The following C1orf21 variants were observed in gnomAD, a reference collection of about 807,000 sequenced individuals.
C1orf21 encodes chromosome 1 open reading frame 21.
A neutral mutation model predicts 18.7 loss-of-function variants in C1orf21; 3 were observed. The observed-to-expected ratio is 0.16, with a 90% CI of 0.07 to 0.42. The LOEUF is 0.42. Among genes scored for constraint, C1orf21 ranks in the 10% least tolerant of loss-of-function variants. The pLI is 0.99. For synonymous variants in C1orf21, 41 were observed against 46.4 expected, an observed-to-expected ratio of 0.88 and a Z score of 0.47; for missense variants, 104 against 143.6, an observed-to-expected ratio of 0.72 and a Z score of 1.41.
intron 2 of C1orf21, among the ~76,000 whole-genome samples, chr1:184,497,267 G>A (rs932198892): frequency 1.3e-5 from 2 of 152,172 alleles, no homozygotes; most frequent in Non-Finnish European, 2.9e-5. Flanking sequence ...TGGAGCATGC[G>A]TTTTCCCCAC....
intron 1 of C1orf21, among the ~76,000 whole-genome samples, chr1:184,409,539 C>T (rs145459119): frequency 1.2e-3 from 190 of 152,204 alleles, no homozygotes; most frequent in Middle Eastern, 6.8e-3. Context: ...GTGATCTTGA[C>T]CAAAATAATA....
intron 1 of C1orf21, among the ~76,000 whole-genome samples, chr1:184,447,419 TC>T (rs1657051135): frequency 6.6e-6 from 1 of 152,336 alleles, no homozygotes; most frequent in East Asian, 1.9e-4. Context: ...CATGGCTTTT[TC>T]TTCTCTCTGC....
chr1:184,479,381 AC>A (rs2101991308), intron 2 of C1orf21, among the ~76,000 whole-genome samples: 1 of 152,328 alleles, frequency 6.6e-6, no homozygotes, highest in East Asian at 1.9e-4. Flanking sequence ...TGGAGCCGTC[AC>A]CATGTGTCAA....
chr1:184,573,065 G>A (rs1314856938), intron 3 of C1orf21, among the ~76,000 whole-genome samples: 2 of 151,820 alleles, frequency 1.3e-5, no homozygotes, highest in Non-Finnish European at 2.9e-5. Context: ...GAGATCTTCT[G>A]TCAGAATCAA....
chr1:184,433,966 G>C (rs1656815148), intron 1 of C1orf21, among the ~76,000 whole-genome samples: 4 of 151,922 alleles, frequency 2.6e-5, no homozygotes, highest in African/African-American at 9.7e-5. Flanking sequence ...CTTTCTCTAA[G>C]AGCCCATCCC....
intron 1 of C1orf21, among the ~76,000 whole-genome samples, chr1:184,469,640 GC>G (rs1233276899): frequency 6.6e-6 from 1 of 152,192 alleles, no homozygotes; most frequent in Admixed American, 6.5e-5. Context: ...AGGATCAGCA[GC>G]TCAGACTGAT....
At chr1:184,414,295 A>G (rs1193950159) in intron 1 of C1orf21, among the ~76,000 whole-genome samples, 4 of 151,928 alleles carry the variant, frequency 2.6e-5, no homozygotes, top group Non-Finnish European at 5.9e-5. Context: ...TGCCTGGCTA[A>G]TTTTTTAATT....
chr1:184,565,113 C>G (rs1049137029), intron 3 of C1orf21, among the ~76,000 whole-genome samples: 4 of 152,082 alleles, frequency 2.6e-5, no homozygotes, highest in Non-Finnish European at 5.9e-5. Flanking sequence ...GATGTTAGAA[C>G]AAAAAAGTAT....
At chr1:184,543,877 AT>A (rs1031016852) in intron 3 of C1orf21, among the ~76,000 whole-genome samples, 3 of 151,988 alleles carry the variant, frequency 2.0e-5, no homozygotes, top group Admixed American at 2.0e-4. Context: ...ATAAAAGATC[AT>A]TTTTTTTCAG....
intron 3 of C1orf21, among the ~76,000 whole-genome samples, chr1:184,522,790 C>A (rs1486138364): frequency 6.6e-6 from 1 of 152,188 alleles, no homozygotes; most frequent in Non-Finnish European, 1.5e-5. Context: ...CAGGCTTGGG[C>A]AATTCCCCCA....
chr1:184,410,687 G>T, intron 1 of C1orf21, among the ~76,000 whole-genome samples: 1 of 46,470 alleles, frequency 2.2e-5, no homozygotes, highest in Admixed American at 2.8e-4. Context: ...TTTTTGAGAT[G>T]GAGTTTCGCT....
intron 1 of C1orf21, among the ~76,000 whole-genome samples, chr1:184,451,525 G>A (rs1016589624): frequency 2.2e-5 from 3 of 136,270 alleles, no homozygotes; most frequent in African/African-American, 8.7e-5. Context: ...GGCTTGTCTC[G>A]AACTCCTGGC....
At chr1:184,586,398 C>A (rs1471222585) in intron 3 of C1orf21, among the ~76,000 whole-genome samples, 1 of 151,580 alleles carries the variant, frequency 6.6e-6, no homozygotes, top group Non-Finnish European at 1.5e-5. Context: ...ATTCTCCTGC[C>A]TCAGCCTCCC....
chr1:184,527,038 G>T (rs971167679), intron 3 of C1orf21, among the ~76,000 whole-genome samples: 5 of 152,164 alleles, frequency 3.3e-5, no homozygotes, highest in Non-Finnish European at 5.9e-5. Context: ...TAGAACATCA[G>T]GGAAGCCTTC....
chr1:184,607,236 T>G (rs1659659114), intron 5 of C1orf21, among the ~76,000 whole-genome samples: 1 of 152,208 alleles, frequency 6.6e-6, no homozygotes, highest in South Asian at 2.1e-4. Flanking sequence ...ACCCTGCCTC[T>G]CTTCTGGGCT....
intron 1 of C1orf21, among the ~76,000 whole-genome samples, chr1:184,413,718 G>T (rs1156941354): frequency 1.3e-5 from 2 of 152,288 alleles, no homozygotes; most frequent in South Asian, 4.2e-4. Flanking sequence ...CAGCTTTGCC[G>T]TTACTCCTGG....
chr1:184,430,251 G>A (rs1486282470), intron 1 of C1orf21, among the ~76,000 whole-genome samples: 1 of 152,004 alleles, frequency 6.6e-6, no homozygotes, highest in Non-Finnish European at 1.5e-5. Context: ...TATCAGTAGA[G>A]GTAATAATAC....
chr1:184,598,390 T>G lies in C1orf21; in HGVS notation c.267-11T>G. ...ACTAAAATATGCACTTAACTACCCT[T>G]TGTTTTTCAGCATGCACATCTCTGA... On this transcript the variant is annotated splice_polypyrimidine_tract_variant and intron_variant, in intron 4 of 5. Transcript: ENST00000235307. 1.2e-6 allele frequency: 2 copies of G among 1,612,948 alleles called. No homozygotes were observed.
intron 2 of C1orf21, among the ~76,000 whole-genome samples, chr1:184,482,134 C>G (rs892194877): frequency 2.0e-5 from 3 of 152,136 alleles, no homozygotes; most frequent in African/African-American, 7.2e-5. Context: ...CCTCACGATT[C>G]TGGGGGATGG....
Sources: gnomAD v4.1 joint callset for allele counts (sites outside exome capture counted in the v4.1 genomes callset) on GRCh38, gnomAD v4.1.1 for gene constraint, MANE v1.5 for transcripts, NCBI Gene and HGNC (gene_info 2026-07-23, HGNC 2026-07-21) for gene names.